Variants in ACAP2 observed in about 807,000 individuals in gnomAD.
The protein encoded by ACAP2 is arf-GAP with coiled-coil, ANK repeat and PH domain-containing protein 2.
ACAP2 carries 39 observed loss-of-function variants against 115.8 expected under a neutral mutation model. The observed-to-expected ratio is 0.34, with a 90% CI of 0.26 to 0.44. The LOEUF (loss-of-function observed/expected upper bound fraction) is 0.44. ACAP2 is among the 20% of genes least tolerant of loss of function. The pLI is 1.00. For synonymous variants in ACAP2, 289 were observed against 315.8 expected, an observed-to-expected ratio of 0.92 and a Z score of 0.90; for missense variants, 662 against 927.6, an observed-to-expected ratio of 0.71 and a Z score of 3.72.
intron 1 of ACAP2, chr3:195,412,946 GAT>G: frequency 4.4e-6 from 2 of 455,370 alleles, no homozygotes; most frequent in Non-Finnish European, 8.8e-6. Flanking sequence ...TTAGTAAACA[GAT>G]ATGAAATATG....
chr3:195,294,680 A>C (rs765902281), intron 18 of ACAP2, 39 bp downstream of exon 18: 2 of 1,234,434 alleles, frequency 1.6e-6, no homozygotes, highest in African/African-American at 3.0e-5. Context: ...ACTTTCCAGC[A>C]AACAAAACCA....
intron 22 of ACAP2, among the ~76,000 whole-genome samples, chr3:195,284,284 G>C (rs1041891941): frequency 6.6e-6 from 1 of 152,190 alleles, no homozygotes; most frequent in African/African-American, 2.4e-5. Context: ...TTATTTTAAA[G>C]TGCTTAAACA....
chr3:195,281,937 T>C (rs1206931227), intron 22 of ACAP2, among the ~76,000 whole-genome samples: 1 of 152,212 alleles, frequency 6.6e-6, no homozygotes, highest in Non-Finnish European at 1.5e-5. Flanking sequence ...AAGTGTAAAG[T>C]GCAGAGTATA....
intron 1 of ACAP2, among the ~76,000 whole-genome samples, chr3:195,408,477 A>T (rs946049989): frequency 2.0e-5 from 3 of 152,176 alleles, no homozygotes; most frequent in Non-Finnish European, 4.4e-5. Context: ...AAAAGAAAAA[A>T]AAATTAAGTC....
intron 2 of ACAP2, among the ~76,000 whole-genome samples, chr3:195,386,921 A>G (rs1734346214): frequency 6.6e-6 from 1 of 152,218 alleles, no homozygotes; most frequent in South Asian, 2.1e-4. Flanking sequence ...CAACTCAGAA[A>G]GTAGGATATC....
intron 1 of ACAP2, among the ~76,000 whole-genome samples, chr3:195,422,640 AT>A (rs567253787): frequency 2.0e-5 from 3 of 149,954 alleles, no homozygotes; most frequent in African/African-American, 2.4e-5. Flanking sequence ...CACCTGGCTA[AT>A]TTTTTTTTTA....
In ACAP2 at chr3:195,406,931, T is replaced by G. The variant is rs145325411; in HGVS notation, c.54-14784A>C. On this transcript the variant is annotated intron_variant, in intron 1 of 22. Transcript: ENST00000326793. ...AACTACTAAAATTTTTGCAGACAGA[T>G]AGATTGGCTTAAATGCTTAAATATT... Among the ~76,000 whole-genome samples the G allele has an allele frequency of 6.3e-4, 96 of 152,276 alleles. 1 individual carries two copies. The highest frequency in any genetic ancestry group is 1.0e-3 in the Non-Finnish European group (68 of 68,030).
At chr3:195,385,539 T>C (rs1376095589) in intron 2 of ACAP2, among the ~76,000 whole-genome samples, 3 of 151,678 alleles carry the variant, frequency 2.0e-5, no homozygotes, top group African/African-American at 7.3e-5. Context: ...GCAGAAAAAC[T>C]AAAATGGTAA....
chr3:195,408,027 T>C (rs186794471), intron 1 of ACAP2, among the ~76,000 whole-genome samples: 7 of 152,306 alleles, frequency 4.6e-5, no homozygotes, highest in African/African-American at 1.2e-4. Context: ...TGAGCAAGTA[T>C]ATGCCAACAA....
intron 1 of ACAP2, among the ~76,000 whole-genome samples, chr3:195,398,436 G>A (rs1711988441): frequency 6.6e-6 from 1 of 152,010 alleles, no homozygotes; most frequent in African/African-American, 2.4e-5. Context: ...CGGGAGGTCA[G>A]GAGTTCGAGG....
intron 3 of ACAP2, among the ~76,000 whole-genome samples, chr3:195,381,608 G>C (rs893543899): frequency 3.9e-5 from 6 of 151,990 alleles, no homozygotes; most frequent in African/African-American, 1.4e-4. Flanking sequence ...TGATCTTCCT[G>C]CTCAGGCCCT....
intron 1 of ACAP2, among the ~76,000 whole-genome samples, chr3:195,400,432 T>C (rs979974016): frequency 1.3e-5 from 2 of 152,048 alleles, no homozygotes; most frequent in Non-Finnish European, 2.9e-5. Context: ...ATAATCATTA[T>C]TGACAGAATA....
chr3:195,372,943 GC>G (rs1733257483), intron 4 of ACAP2, among the ~76,000 whole-genome samples: 1 of 127,528 alleles, frequency 7.8e-6, no homozygotes, highest in Non-Finnish European at 1.5e-5. Context: ...AGCCAAGATG[GC>G]ACCACTGCAC....
intron 18 of ACAP2, 102 bp from the exon 19 acceptor site, chr3:195,292,554 T>C: frequency 9.1e-7 from 1 of 1,100,636 alleles, no homozygotes; most frequent in Non-Finnish European, 1.3e-6. Context: ...TAAAAAGAGT[T>C]CTGTGGATGA....
chr3:195,431,814 C>T (rs1009192805), intron 1 of ACAP2, among the ~76,000 whole-genome samples: 2 of 152,098 alleles, frequency 1.3e-5, no homozygotes, highest in African/African-American at 4.8e-5. Flanking sequence ...TTTACATTCC[C>T]ACTGGCAGTG....
chr3:195,413,196 G>A (rs1425338814), intron 1 of ACAP2, among the ~76,000 whole-genome samples: 2 of 152,056 alleles, frequency 1.3e-5, no homozygotes, highest in South Asian at 2.1e-4. Flanking sequence ...TGCTATTGCC[G>A]TATTTTCTTT....
chr3:195,343,577 C>A (rs138495845), intron 5 of ACAP2, among the ~76,000 whole-genome samples: 1 of 152,176 alleles, frequency 6.6e-6, no homozygotes, highest in Non-Finnish European at 1.5e-5. Context: ...CAGGCACATG[C>A]CACCACACAA....
intron 22 of ACAP2, among the ~76,000 whole-genome samples, chr3:195,281,658 G>A (rs139732342): frequency 0.013 from 2,051 of 152,252 alleles, 16 homozygotes; most frequent in Non-Finnish European, 0.022. Flanking sequence ...AGGTTGATAC[G>A]TTGGAACAGC....
At chr3:195,434,178 T>G (rs1560369173) in intron 1 of ACAP2, among the ~76,000 whole-genome samples, 1 of 152,068 alleles carries the variant, frequency 6.6e-6, no homozygotes, top group African/African-American at 2.4e-5. Context: ...ATCCTCCCAC[T>G]GTGGCCTCCC....
Sources: gnomAD v4.1 joint callset for allele counts (sites outside exome capture counted in the v4.1 genomes callset) on GRCh38, gnomAD v4.1.1 for gene constraint, MANE v1.5 for transcripts, NCBI Gene and HGNC (gene_info 2026-07-23, HGNC 2026-07-21) for gene names.